The following DYSF variants were observed in gnomAD, a reference collection of about 807,000 sequenced individuals.
The protein encoded by DYSF is dysferlin.
In DYSF, 212 loss-of-function variants were observed where a neutral mutation model predicts 274.9. The observed-to-expected ratio is 0.77, with a 90% CI of 0.69 to 0.86. DYSF has a LOEUF of 0.86. Among genes scored for constraint, DYSF ranks in the 40% least tolerant of loss-of-function variants. DYSF has a pLI of 0.00. For synonymous variants in DYSF, 1,091 were observed against 1,078.7 expected (o/e 1.01, Z -0.22); for missense variants, 2,666 against 2,783.2 (o/e 0.96, Z 0.95).
intron 30 of DYSF, among the ~76,000 whole-genome samples, chr2:71,579,093 C>T (rs2092804954): frequency 6.6e-6 from 1 of 152,174 alleles, no homozygotes; most frequent in Non-Finnish European, 1.5e-5. Context: ...CCCTCTCCAC[C>T]CCACACCCCC....
chr2:71,561,960 G>A lies in DYSF; in HGVS notation c.2409+16G>A, dbSNP rs780281276. Reference sequence around the variant, plus strand: ...GGCAGAGGAGGTAATTAAGCCTGGGGGTGCCTTTCTTCTTCTGCTCTCCTG... The same window carrying A: ...GGCAGAGGAGGTAATTAAGCCTGGGAGTGCCTTTCTTCTTCTGCTCTCCTG... On this transcript the variant is annotated intron_variant, in intron 23 of 55. Coordinates refer to ENST00000410020, the MANE Select transcript of DYSF (RefSeq NM_001130987.2). 2 of 1,611,464 alleles carry A rather than the reference G, an allele frequency of 1.2e-6. No individual in the cohort carries two copies. Among genetic ancestry groups the A allele is most frequent in the South Asian group, 2.2e-5 (2 of 90,664 alleles).
At chr2:71,651,566 T>C (rs1165166402) in intron 42 of DYSF, among the ~76,000 whole-genome samples, 1 of 152,126 alleles carries the variant, frequency 6.6e-6, no homozygotes, top group Non-Finnish European at 1.5e-5. Context: ...AATTATAAAG[T>C]GAATTTCCTA....
At chr2:71,514,108 C>T (rs542914525) in intron 7 of DYSF, among the ~76,000 whole-genome samples, 187 bp downstream of exon 7, 101 of 145,888 alleles carry the variant, frequency 6.9e-4, no homozygotes, top group African/African-American at 2.0e-3. Context: ...ATCTTACATC[C>T]ACAGAATAAG....
At chr2:71,498,072 C>G (rs945939878) in intron 3 of DYSF, among the ~76,000 whole-genome samples, 1 of 152,098 alleles carries the variant, frequency 6.6e-6, no homozygotes. Context: ...TGGGGAGTTT[C>G]TTCAGACCCC....
chr2:71,554,229 C>G (rs903908857), intron 21 of DYSF, among the ~76,000 whole-genome samples: 1 of 152,210 alleles, frequency 6.6e-6, no homozygotes, highest in Non-Finnish European at 1.5e-5. Flanking sequence ...CGGCCTGGCT[C>G]TCGCTCGCTT....
chr2:71,472,698 G>A (rs773927442), intron 1 of DYSF, among the ~76,000 whole-genome samples: 12 of 152,178 alleles, frequency 7.9e-5, no homozygotes, highest in Admixed American at 2.6e-4. Context: ...GAGCCACCGC[G>A]CCAAGCCAAC....
rs913896709 is a variant in DYSF, at chr2:71,598,529, G to A, written c.3575-35G>A. The A allele has an allele frequency of 1.4e-5, 23 of 1,613,366 alleles. 1 individual carries two copies. The highest frequency in any genetic ancestry group is 1.9e-5 in the Non-Finnish European group (23 of 1,179,612). On this transcript the variant is annotated intron_variant, in intron 32 of 55. Transcript: ENST00000410020. ...AGACATCTCTCAGGGTCCCTGCTGT[G>A]TCCTGTCTCCCCTCCCCCTCTCCGG...
At chr2:71,453,794 G>C (rs2080936054) in exon 1 of DYSF, 4 of 608,928 alleles carry the variant, frequency 6.6e-6, no homozygotes, top group Non-Finnish European at 1.2e-5. Context: ...GCCGGGGCGG[G>C]GACCCAGCCT....
At chr2:71,478,731 G>T (rs1305673803) in intron 1 of DYSF, among the ~76,000 whole-genome samples, 1 of 152,062 alleles carries the variant, frequency 6.6e-6, no homozygotes, top group Admixed American at 6.6e-5. Flanking sequence ...TCACTACAAC[G>T]AGCAAATATT....
rs552332158 is a variant in DYSF, at chr2:71,580,014, T to A, written c.3402+5643T>A. On this transcript the variant is annotated intron_variant, in intron 30 of 55. Transcript: ENST00000410020. The stretch of plus-strand genomic sequence containing the variant: ...AGGCAGTGGCTCTTCTGCCCCTCTC[T>A]CCAGGTGTCCCCTGACCAGCAGCCA... 6.6e-5 allele frequency among the ~76,000 whole-genome samples: 10 copies of A among 152,346 alleles called. No homozygotes were observed. The East Asian group carries it at 1.9e-3, about 29-fold the overall frequency.
At chr2:71,685,358 T>C (rs568319437) in intron 55 of DYSF, among the ~76,000 whole-genome samples, 1 of 152,346 alleles carries the variant, frequency 6.6e-6, no homozygotes, top group South Asian at 2.1e-4. Flanking sequence ...GTAAGGGGTC[T>C]AGGGATGAAG....
intron 1 of DYSF, among the ~76,000 whole-genome samples, chr2:71,477,047 C>A (rs918600986): frequency 2.6e-5 from 4 of 152,096 alleles, no homozygotes; most frequent in African/African-American, 9.7e-5. Flanking sequence ...TAACTTCCAG[C>A]TTCCCAGTAC....
At chr2:71,469,904 G>A (rs902169483) in intron 1 of DYSF, among the ~76,000 whole-genome samples, 1 of 152,068 alleles carries the variant, frequency 6.6e-6, no homozygotes, top group Non-Finnish European at 1.5e-5. Context: ...TCCTTAATGT[G>A]ATTATTTATA....
chr2:71,480,933 A>C lies in DYSF; in HGVS notation c.142A>C (p.Asn48His). The change falls in exon 2 of 56, where the codon AAT (asparagine) becomes CAT (histidine). Residue 48 changes from asparagine to histidine, a missense_variant. Asn to His is a moderately conservative substitution (Grantham distance 68). Transcript: ENST00000410020. The stretch of plus-strand genomic sequence containing the variant: ...CAAGAACAGCGTGAACCCTGTATGG[A>C]ATGAGGTATGTGAGTTTTTCTCCTT... ...VIKNSVNPVW[N>H]EGFEWDLKGI... The C allele has an allele frequency of 1.2e-6, 2 of 1,614,018 alleles. No homozygotes were observed. Among genetic ancestry groups the C allele is most frequent in the Non-Finnish European group, 1.7e-6 (2 of 1,179,912 alleles).
At chr2:71,454,008 G>T in exon 1 of DYSF, 1 of 1,614,202 alleles carries the variant, frequency 6.2e-7, no homozygotes, top group Non-Finnish European at 8.5e-7. Flanking sequence ...CATGCTGAGG[G>T]TCTTCATCCT....
At position 71,686,658 on chromosome 2, in the gene DYSF, C is replaced by T. The variant is rs1334553885; in HGVS notation, c.*166C>T. 3 of 781,186 alleles carry T rather than the reference C, an allele frequency of 3.8e-6. No homozygotes were observed. The highest frequency in any genetic ancestry group is 6.6e-6 in the Non-Finnish European group (3 of 455,176). The allele number at this position is 781,186 out of a possible 1,614,324, so 48.4% of individuals were successfully genotyped here. Reference sequence around the variant, plus strand: ...CGGCCCACACTCCCAGAGTTGCTAACATGGAGCTCTGAGATCACCCCACTT... The same window carrying T: ...CGGCCCACACTCCCAGAGTTGCTAATATGGAGCTCTGAGATCACCCCACTT... On this transcript the variant is annotated 3_prime_UTR_variant, in exon 56 of 56. Transcript: ENST00000410020.
In DYSF at chr2:71,560,477, CCCATCCGCGGCACCCTCGGGGCAGT is replaced by C. The variant is rs1398651307; in HGVS notation, c.2217-1274_2217-1250del. On this transcript the variant is annotated intron_variant, in intron 22 of 55. Transcript: ENST00000410020. ...ACCACCGAGGAGCGGCCTGGGGCAG[CCCATCCGCGGCACCCTCGGGGCAGT>C]AAATATTATATTACTACAGGGTGTG... Among the ~76,000 whole-genome samples the C allele has an allele frequency of 1.1e-4, 16 of 152,234 alleles. 1 individual carries two copies. In the East Asian group the frequency reaches 2.9e-3, roughly 28 times the overall value.
Position 71,570,639 on chromosome 2 carries a change from G to A in DYSF, c.3126G>A (p.Pro1042=), listed in dbSNP as rs377235191. 6.5e-5 allele frequency: 105 copies of A among 1,614,076 alleles called. No homozygotes were observed. The highest frequency in any genetic ancestry group is 8.2e-5 in the Non-Finnish European group (97 of 1,179,980). The stretch of plus-strand genomic sequence containing the variant: ...TCACCATCCCCCCGGAGCGGAAGCC[G>A]AAGCACTGGGTCCCTGCTGAGAAGA... The part of the protein sequence containing the change: ...YSITIPPERK[P]KHWVPAEKMY... Residue 1042 remains proline, a synonymous_variant, in exon 29 of 56, where the codon CCG becomes CCA. Coordinates refer to ENST00000410020, the MANE Select transcript of DYSF (RefSeq NM_001130987.2).
intron 29 of DYSF, chr2:71,571,022 C>G (rs1352573168): frequency 1.1e-4 from 54 of 477,000 alleles, no homozygotes; most frequent in East Asian, 7.0e-4. Context: ...AGATCACACT[C>G]AGCACACACA....
Sources: allele counts gnomAD v4.1 joint callset (sites outside exome capture counted in the v4.1 genomes callset), GRCh38; gene constraint gnomAD v4.1.1; transcripts MANE v1.5; gene names NCBI Gene and HGNC (gene_info 2026-07-23, HGNC 2026-07-21).